The following NFIA variants were observed in gnomAD, a reference collection of about 807,000 sequenced individuals.
The protein encoded by NFIA is nuclear factor 1 A-type.
In NFIA, 8 loss-of-function variants were observed where a neutral mutation model predicts 62.8. The observed-to-expected ratio is 0.13, with a 90% CI of 0.07 to 0.23. NFIA has a LOEUF of 0.23. Ranked by LOEUF, NFIA falls within the 10% of genes least tolerant of loss-of-function variation. The pLI, the probability that NFIA is intolerant of heterozygous loss-of-function variation, is 1.00. For missense variants in NFIA, 410 were observed against 642.1 expected (o/e 0.64, Z 3.91); for synonymous variants, 235 against 238.1 (o/e 0.99, Z 0.12).
chr1:61,216,579 C>A (rs554732843), intron 2 of NFIA, among the ~76,000 whole-genome samples: 1 of 152,178 alleles, frequency 6.6e-6, no homozygotes, highest in Non-Finnish European at 1.5e-5. Flanking sequence ...TGATTGATTG[C>A]TCAGGTAAAT....
At chr1:61,352,632 G>A in intron 5 of NFIA, 65 bp downstream of exon 5, 2 of 1,255,970 alleles carry the variant, frequency 1.6e-6, no homozygotes, top group South Asian at 2.4e-5. Context: ...TTTTAACTCT[G>A]GGCCCACTAT....
At chr1:61,141,190 T>G (rs1347107813) in intron 2 of NFIA, among the ~76,000 whole-genome samples, 4 of 152,152 alleles carry the variant, frequency 2.6e-5, no homozygotes, top group African/African-American at 9.7e-5. Context: ...TAGTCTCTGA[T>G]GTGCTACAAG....
chr1:61,306,269 C>CTTTTTTTTTTTTTTTT lies in NFIA; in HGVS notation c.626-26233_626-26218dup, dbSNP rs774297484. Among the ~76,000 whole-genome samples, 16 of 60,624 alleles carry CTTTTTTTTTTTTTTTT rather than the reference C, an allele frequency of 2.6e-4. 3 individuals carry two copies. Among genetic ancestry groups the CTTTTTTTTTTTTTTTT allele is most frequent in the Admixed American group, 5.4e-4 (2 of 3,700 alleles). 39.8% of individuals were successfully genotyped at this position (60,624 alleles called of 152,430 possible). On this transcript the variant is annotated intron_variant, in intron 3 of 10. Coordinates refer to ENST00000403491, the MANE Select transcript of NFIA (RefSeq NM_001134673.4). ...TCATCCTGGAGACCCAGATTTTGTT[C>CTTTTTTTTTTTTTTTT]TTTTTTTTTTTTTTTTTTTTTTTTT...
chr1:61,355,830 C>T (rs1662923331), intron 5 of NFIA, among the ~76,000 whole-genome samples: 1 of 152,142 alleles, frequency 6.6e-6, no homozygotes. Context: ...TCAAGTGATC[C>T]TCCTGCCTTG....
chr1:61,177,473 A>T (rs1014660664), intron 2 of NFIA, among the ~76,000 whole-genome samples: 1 of 152,146 alleles, frequency 6.6e-6, no homozygotes. Flanking sequence ...TTATCTAGTG[A>T]TGCTATATGC....
chr1:61,339,745 C>T (rs943301568), intron 4 of NFIA, among the ~76,000 whole-genome samples: 6 of 151,666 alleles, frequency 4.0e-5, no homozygotes, highest in East Asian at 1.9e-4. Context: ...CGTCAAACTA[C>T]GCTTTCTTCT....
rs142252708 is a variant in NFIA at position 61,162,212 on chromosome 1, G to T, written c.559+73532G>T. On this transcript the variant is annotated intron_variant, in intron 2 of 10. Transcript: ENST00000403491. ...CCAGAAGCAGCCCCAGTTGGAATCA[G>T]CCCCTAGAGCGAGGAGTCACCTGGG... Among the ~76,000 whole-genome samples, 59 of 152,240 alleles carry T rather than the reference G, an allele frequency of 3.9e-4. No individual in the cohort carries two copies. In the East Asian group the frequency reaches 0.01, roughly 26 times the overall value.
chr1:61,423,210 A>G (rs537649567), intron 9 of NFIA, among the ~76,000 whole-genome samples: 1 of 151,738 alleles, frequency 6.6e-6, no homozygotes, highest in East Asian at 1.9e-4. Flanking sequence ...AATGGTTCAT[A>G]GCGCTATTGC....
chr1:61,170,640 A>G (rs1649898852), intron 2 of NFIA, among the ~76,000 whole-genome samples: 1 of 152,190 alleles, frequency 6.6e-6, no homozygotes, highest in African/African-American at 2.4e-5. Context: ...CATCTAAATG[A>G]CAAAGATAAC....
intron 2 of NFIA, among the ~76,000 whole-genome samples, chr1:61,188,001 G>C (rs1651322837): frequency 1.3e-5 from 2 of 152,044 alleles, no homozygotes; most frequent in Admixed American, 1.3e-4. Flanking sequence ...GCCTGGTTTA[G>C]CCAGTTGTTA....
intron 2 of NFIA, among the ~76,000 whole-genome samples, chr1:61,191,311 T>C (rs1052428340): frequency 6.6e-6 from 1 of 152,184 alleles, no homozygotes; most frequent in Non-Finnish European, 1.5e-5. Context: ...GAGAAACTAA[T>C]GACCAAATGA....
chr1:61,081,538 T>A (rs926761994), upstream of NFIA, among the ~76,000 whole-genome samples: 1 of 152,132 alleles, frequency 6.6e-6, no homozygotes, highest in Non-Finnish European at 1.5e-5. Flanking sequence ...GACATCCCTT[T>A]CACATATTTT....
intron 3 of NFIA, among the ~76,000 whole-genome samples, chr1:61,294,812 G>C (rs1249296599): frequency 6.6e-6 from 1 of 152,210 alleles, no homozygotes; most frequent in Non-Finnish European, 1.5e-5. Flanking sequence ...AGCTCTCTCT[G>C]AGTCTGTCGC....
intron 7 of NFIA, among the ~76,000 whole-genome samples, chr1:61,399,122 A>G (rs1209579261): frequency 1.3e-5 from 2 of 152,212 alleles, no homozygotes; most frequent in Admixed American, 1.3e-4. Context: ...CATCTAAAGA[A>G]CATCTTATTT....
chr1:61,127,471 A>C (rs144223203), intron 2 of NFIA, among the ~76,000 whole-genome samples: 1,771 of 152,138 alleles, frequency 0.012, 20 homozygotes, highest in Middle Eastern at 0.065. Context: ...TAAAAAAAAA[A>C]AAAGTATTGA....
At chr1:61,083,266 C>A (rs936834099) in intron 1 of NFIA, among the ~76,000 whole-genome samples, 1 of 152,122 alleles carries the variant, frequency 6.6e-6, no homozygotes, top group Non-Finnish European at 1.5e-5. Flanking sequence ...GGGCCGCCGA[C>A]GGAGCCCACC....
intron 3 of NFIA, among the ~76,000 whole-genome samples, chr1:61,330,457 A>G (rs1661243109): frequency 8.3e-6 from 1 of 120,320 alleles, no homozygotes; most frequent in Admixed American, 9.7e-5. Flanking sequence ...ACACACACAC[A>G]CACGCACACA....
intron 10 of NFIA, 129 bp downstream of exon 10, chr1:61,426,685 C>T: frequency 2.9e-6 from 2 of 699,234 alleles, no homozygotes. Flanking sequence ...CTCCTGATCC[C>T]ACCAGCCACA....
intron 6 of NFIA, among the ~76,000 whole-genome samples, chr1:61,365,259 T>TCC (rs1441505238): frequency 6.6e-6 from 1 of 152,048 alleles, no homozygotes; most frequent in African/African-American, 2.4e-5. Flanking sequence ...TAACAAGATC[T>TCC]CCCGGTGATG....
Sources: gnomAD v4.1 joint callset for allele counts (sites outside exome capture counted in the v4.1 genomes callset) on GRCh38, gnomAD v4.1.1 for gene constraint, MANE v1.5 for transcripts, NCBI Gene and HGNC (gene_info 2026-07-23, HGNC 2026-07-21) for gene names.